The following SND1 variants were observed in gnomAD, a reference collection of about 807,000 sequenced individuals.
SND1 encodes the protein staphylococcal nuclease domain-containing protein 1.
A neutral mutation model predicts 121.7 loss-of-function variants in SND1; 38 were observed. That is an observed-to-expected ratio of 0.31 (90% CI 0.24 to 0.41). SND1 has a LOEUF of 0.41. SND1 is among the 10% of genes least tolerant of loss of function. The pLI, the probability that SND1 is intolerant of heterozygous loss-of-function variation, is 1.00. For synonymous variants in SND1, 401 were observed against 447.4 expected (o/e 0.90, Z 1.31); for missense variants, 868 against 1,184.6 (o/e 0.73, Z 3.92).
intron 2 of SND1, among the ~76,000 whole-genome samples, chr7:127,692,286 G>T (rs867702264): frequency 6.6e-6 from 1 of 152,158 alleles, no homozygotes; most frequent in South Asian, 2.1e-4. Context: ...TGAGCAGGCC[G>T]CCAGATTGCC....
intron 14 of SND1, among the ~76,000 whole-genome samples, chr7:127,910,444 CA>C (rs1374058593): frequency 2.0e-5 from 3 of 149,216 alleles, no homozygotes; most frequent in South Asian, 4.2e-4. Flanking sequence ...GACTCCATCT[CA>C]AAAAAAAAGA....
intron 15 of SND1, among the ~76,000 whole-genome samples, chr7:127,944,457 GCCT>G (rs1194482930): frequency 6.6e-6 from 1 of 152,158 alleles, no homozygotes; most frequent in Non-Finnish European, 1.5e-5. Context: ...CTATTGTGGC[GCCT>G]GCTCAATGGC....
intron 15 of SND1, among the ~76,000 whole-genome samples, chr7:127,970,506 C>T (rs1359897027): frequency 2.6e-5 from 4 of 152,104 alleles, no homozygotes; most frequent in African/African-American, 9.7e-5. Flanking sequence ...ACTGTCTTTT[C>T]CTTTTTAGGC....
intron 15 of SND1, among the ~76,000 whole-genome samples, chr7:127,937,869 G>A (rs1801095995): frequency 6.6e-6 from 1 of 152,234 alleles, no homozygotes; most frequent in Non-Finnish European, 1.5e-5. Context: ...GTATGTTTAA[G>A]TGAGAAATCC....
chr7:127,964,795 G>C (rs1398998759), intron 15 of SND1, among the ~76,000 whole-genome samples: 2 of 127,984 alleles, frequency 1.6e-5, no homozygotes, highest in Non-Finnish European at 3.3e-5. Context: ...TGTGAAGAAA[G>C]TCATTGGTAG....
chr7:127,863,435 C>T (rs759793827), intron 12 of SND1, among the ~76,000 whole-genome samples: 20 of 152,058 alleles, frequency 1.3e-4, no homozygotes, highest in Non-Finnish European at 2.6e-4. Flanking sequence ...GTTCTTTCTT[C>T]CCTCAAAAAA....
intron 16 of SND1, among the ~76,000 whole-genome samples, chr7:127,996,393 C>T (rs557339045): frequency 8.5e-5 from 13 of 152,332 alleles, no homozygotes; most frequent in African/African-American, 3.1e-4. Flanking sequence ...TTATCTCAAT[C>T]TCTGTCCTTC....
chr7:128,033,356 T>C (rs1387873937), intron 16 of SND1, among the ~76,000 whole-genome samples: 1 of 152,126 alleles, frequency 6.6e-6, no homozygotes, highest in African/African-American at 2.4e-5. Context: ...TCCAGTAGAA[T>C]ATAGCATGGT....
At chr7:128,020,680 G>A (rs193002635) in intron 16 of SND1, among the ~76,000 whole-genome samples, 1 of 152,228 alleles carries the variant, frequency 6.6e-6, no homozygotes, top group Admixed American at 6.5e-5. Flanking sequence ...AGGCACCCTC[G>A]GCTGACATAA....
At chr7:127,774,525 A>G (rs2116504905) in intron 10 of SND1, among the ~76,000 whole-genome samples, 1 of 152,154 alleles carries the variant, frequency 6.6e-6, no homozygotes, top group African/African-American at 2.4e-5. Context: ...TGCCACAGTC[A>G]TGGAACACGC....
At chr7:127,778,442 C>T (rs1797661828) in intron 10 of SND1, among the ~76,000 whole-genome samples, 1 of 152,114 alleles carries the variant, frequency 6.6e-6, no homozygotes. Context: ...TGTGATCTGC[C>T]CACCTTGGCC....
intron 15 of SND1, among the ~76,000 whole-genome samples, chr7:127,933,065 A>G (rs1167577328): frequency 1.3e-5 from 2 of 152,208 alleles, no homozygotes; most frequent in African/African-American, 2.4e-5. Context: ...AAAAAGAGAA[A>G]CAGTATTATT....
chr7:127,759,203 T>G (rs1797255136), intron 10 of SND1, among the ~76,000 whole-genome samples: 1 of 152,182 alleles, frequency 6.6e-6, no homozygotes, highest in South Asian at 2.1e-4. Context: ...AGTATGTGAC[T>G]TAAGATGGTG....
At chr7:127,892,991 C>G (rs1800039199) in intron 13 of SND1, among the ~76,000 whole-genome samples, 1 of 152,058 alleles carries the variant, frequency 6.6e-6, no homozygotes, top group African/African-American at 2.4e-5. Flanking sequence ...TTTAGTGTTT[C>G]TCAGTTAGCT....
intron 17 of SND1, among the ~76,000 whole-genome samples, chr7:128,080,684 G>A (rs2117058592): frequency 6.6e-6 from 1 of 152,290 alleles, no homozygotes; most frequent in Non-Finnish European, 1.5e-5. Context: ...CATGAAAGCA[G>A]GGCTCTCACA....
intron 10 of SND1, among the ~76,000 whole-genome samples, chr7:127,785,526 T>G (rs1797796551): frequency 6.6e-6 from 1 of 152,238 alleles, no homozygotes; most frequent in African/African-American, 2.4e-5. Context: ...CATTTAAGCC[T>G]TTTGGCCTAA....
intron 15 of SND1, chr7:127,949,112 T>C (rs1801401386): frequency 6.6e-6 from 1 of 152,200 alleles, no homozygotes; most frequent in Non-Finnish European, 1.5e-5. Context: ...ATTCCCTGAC[T>C]CATTTTACAT....
chr7:127,794,472 A>G (rs1448497730), intron 10 of SND1, among the ~76,000 whole-genome samples: 1 of 152,214 alleles, frequency 6.6e-6, no homozygotes. Flanking sequence ...TTCTTCCAGG[A>G]AGAAACTTTA....
chr7:127,821,491 C>A (rs1165359056), intron 11 of SND1, among the ~76,000 whole-genome samples: 1 of 152,088 alleles, frequency 6.6e-6, no homozygotes, highest in Non-Finnish European at 1.5e-5. Context: ...TTGATGGGTA[C>A]CAGTACAGGA....
Sources: allele counts gnomAD v4.1 joint callset (sites outside exome capture counted in the v4.1 genomes callset), GRCh38; gene constraint gnomAD v4.1.1; transcripts MANE v1.5; gene names NCBI Gene and HGNC (gene_info 2026-07-23, HGNC 2026-07-21).